The following GSAP variants were observed in gnomAD, a reference collection of about 807,000 sequenced individuals.
GSAP encodes the protein gamma-secretase-activating protein.
GSAP carries 118 observed loss-of-function variants against 131.7 expected under a neutral mutation model. The observed-to-expected ratio is 0.90, with a 90% CI of 0.77 to 1.04. GSAP has a LOEUF of 1.04. GSAP is among the 50% of genes least tolerant of loss of function. The pLI is 0.00. For missense variants in GSAP, 1,019 were observed against 1,013.2 expected, an observed-to-expected ratio of 1.01 and a Z score of -0.08; for synonymous variants, 381 against 363.4, an observed-to-expected ratio of 1.05 and a Z score of -0.55.
intron 1 of GSAP, among the ~76,000 whole-genome samples, chr7:77,412,480 A>T (rs116618661): frequency 0.012 from 1,850 of 152,234 alleles, 35 homozygotes; most frequent in African/African-American, 0.043. Flanking sequence ...AAAAAGGAAC[A>T]AACTATAAAG....
At chr7:77,411,140 G>T in intron 1 of GSAP, among the ~76,000 whole-genome samples, 1 of 145,774 alleles carries the variant, frequency 6.9e-6, no homozygotes. Flanking sequence ...TGTGATTAAG[G>T]TAACCCTCTG....
At chr7:77,331,913 A>G (rs900632539) in intron 19 of GSAP, 13 of 148,084 alleles carry the variant, frequency 8.8e-5, no homozygotes, top group South Asian at 8.5e-4. Context: ...AAAAAAAAAG[A>G]CAAGACAAAT....
Position 77,326,247 on chromosome 7 carries a change from C to T in GSAP, c.1792G>A (p.Glu598Lys), listed in dbSNP as rs772520378. ...LGPRLTPLLQ[E>K]EDSHQRLLMG... ...AGCAGCCGCTGGTGGCTGTCTTCCTCCTGCAGGAGGGGTGTTAATCTTGGC... is the reference window on the plus strand; with the variant it reads ...AGCAGCCGCTGGTGGCTGTCTTCCTTCTGCAGGAGGGGTGTTAATCTTGGC... The change falls in exon 23 of 31, where the codon GAG becomes AAG. Residue 598 changes from glutamate (E) to lysine (K), a missense_variant. Glu to Lys is a moderately conservative substitution (Grantham distance 56, BLOSUM62 1). Coordinates refer to ENST00000257626, the MANE Select transcript of GSAP (RefSeq NM_017439.4). The T allele has an allele frequency of 6.2e-7, 1 of 1,613,290 alleles. No homozygotes were observed. Among genetic ancestry groups the T allele is most frequent in the South Asian group, 1.1e-5 (1 of 90,992 alleles).
At chr7:77,365,172 TC>T (rs150098173) in intron 12 of GSAP, among the ~76,000 whole-genome samples, 45,206 of 151,946 alleles carry the variant, frequency 0.3, 7,544 homozygotes, top group African/African-American at 0.45. Flanking sequence ...GGTCTTGAAC[TC>T]CCTGGGCTCA....
intron 6 of GSAP, among the ~76,000 whole-genome samples, chr7:77,383,219 G>A (rs1005978094): frequency 2.6e-5 from 4 of 151,930 alleles, no homozygotes; most frequent in African/African-American, 7.3e-5. Flanking sequence ...AAATGTTAAG[G>A]TTGAAGCTAA....
chr7:77,324,286 T>C (rs548876928), intron 23 of GSAP, among the ~76,000 whole-genome samples: 5 of 152,308 alleles, frequency 3.3e-5, no homozygotes, highest in African/African-American at 9.6e-5. Flanking sequence ...TTCTGGTGCC[T>C]CCAAATAGGT....
intron 1 of GSAP, among the ~76,000 whole-genome samples, chr7:77,409,004 C>A (rs1666485864): frequency 1.3e-5 from 2 of 152,214 alleles, no homozygotes; most frequent in South Asian, 4.1e-4. Context: ...CTTCCCCACC[C>A]CTCACAAGCA....
Position 77,314,679 on chromosome 7 carries a change from T to C in GSAP, c.2090-190A>G, listed in dbSNP as rs146614549. 6.4e-3 allele frequency: 3,486 copies of C among 548,376 alleles called. 17 individuals carry two copies. The highest frequency in any genetic ancestry group is 9.5e-3 in the Non-Finnish European group (2,972 of 311,350). 34.0% of individuals were successfully genotyped at this position (548,376 alleles called of 1,614,324 possible). ...GTAACTAAATATCACGCTGGGTCTA[T>C]AGTAAGTTTCCGGTAAGTATACATT... On this transcript the variant is annotated intron_variant, in intron 26 of 30. Coordinates refer to ENST00000257626, the MANE Select transcript of GSAP (RefSeq NM_017439.4).
intron 12 of GSAP, 147 bp downstream of exon 12, chr7:77,373,923 A>C (rs1796476842): frequency 3.2e-6 from 2 of 620,502 alleles, no homozygotes. Context: ...AAATTAATGA[A>C]GATTTGATAC....
chr7:77,388,440 C>G (rs1376342352), intron 5 of GSAP, among the ~76,000 whole-genome samples: 1 of 152,180 alleles, frequency 6.6e-6, no homozygotes, highest in African/African-American at 2.4e-5. Context: ...GACCCACTTA[C>G]TTCTTCAGTG....
chr7:77,350,572 T>TA (rs368824065), intron 18 of GSAP, among the ~76,000 whole-genome samples: 47,955 of 121,116 alleles, frequency 0.4, 9,195 homozygotes, highest in South Asian at 0.47. Flanking sequence ...CCCGCTCTAC[T>TA]AAAAAAAAAA....
chr7:77,395,548 C>G (rs1202751806), intron 5 of GSAP, among the ~76,000 whole-genome samples: 1 of 152,206 alleles, frequency 6.6e-6, no homozygotes, highest in East Asian at 1.9e-4. Context: ...GAGGACATGG[C>G]ACCAAAGACG....
chr7:77,353,048 C>T lies in GSAP; in HGVS notation c.1409-22G>A, dbSNP rs111608860. ...GAAGCTGAGTAGATTTTTTTTGAAA[C>T]AGGGGGAAAAAAGATGTGGTTTAAT... On this transcript the variant is annotated intron_variant, in intron 17 of 30. Transcript: ENST00000257626. 3.7e-6 allele frequency: 5 copies of T among 1,350,810 alleles called. No homozygotes were observed. The African/African-American group carries it at 7.2e-5, about 19-fold the overall frequency. The allele number at this position is 1,350,810 out of a possible 1,614,324, so 83.7% of individuals were successfully genotyped here.
chr7:77,324,439 G>A (rs933396771), intron 23 of GSAP, among the ~76,000 whole-genome samples: 3 of 152,252 alleles, frequency 2.0e-5, no homozygotes, highest in Non-Finnish European at 4.4e-5. Flanking sequence ...CTCAGCAAGA[G>A]CAGGATGCCA....
At chr7:77,348,963 C>T (rs868598342) in intron 19 of GSAP, among the ~76,000 whole-genome samples, 1 of 152,130 alleles carries the variant, frequency 6.6e-6, no homozygotes, top group Non-Finnish European at 1.5e-5. Context: ...TGCACGTGCA[C>T]GTGCGCAAGC....
intron 9 of GSAP, 28 bp downstream of exon 9, chr7:77,377,258 A>AAAAAAAAAAAAAAAAAGGG: frequency 1.4e-6 from 2 of 1,400,734 alleles, no homozygotes; most frequent in Non-Finnish European, 1.9e-6. Flanking sequence ...AAAAAAAAAA[A>AAAAAAAAAAAAAAAAAGGG]GGAGTGCCCG....
intron 19 of GSAP, among the ~76,000 whole-genome samples, chr7:77,336,720 T>C (rs1273303410): frequency 6.6e-6 from 1 of 152,184 alleles, no homozygotes; most frequent in Non-Finnish European, 1.5e-5. Context: ...ACTCCTGACC[T>C]CAGGTGATTC....
At chr7:77,340,630 G>A (rs968836351) in intron 19 of GSAP, among the ~76,000 whole-genome samples, 11 of 152,134 alleles carry the variant, frequency 7.2e-5, no homozygotes, top group Non-Finnish European at 1.3e-4. Context: ...CATTTTATCC[G>A]TGGACCCAAA....
At chr7:77,385,076 C>T (rs1486412325) in intron 6 of GSAP, among the ~76,000 whole-genome samples, 2 of 151,390 alleles carry the variant, frequency 1.3e-5, no homozygotes, top group Non-Finnish European at 2.9e-5. Context: ...CTCTGTTGCC[C>T]AGGCTGGAGT....
Sources: allele counts gnomAD v4.1 joint callset (sites outside exome capture counted in the v4.1 genomes callset), GRCh38; gene constraint gnomAD v4.1.1; transcripts MANE v1.5; gene names NCBI Gene and HGNC (gene_info 2026-07-23, HGNC 2026-07-21).